Variants in PAX5 observed in about 807,000 individuals in gnomAD.
The protein encoded by PAX5 is paired box 5.
Under a neutral mutation model 43.7 loss-of-function variants are expected in PAX5, and 9 were observed. That is an observed-to-expected ratio of 0.21 (90% CI 0.12 to 0.36). PAX5 has a LOEUF of 0.36. PAX5 is among the 10% of genes least tolerant of loss of function. The pLI, the probability that PAX5 is intolerant of heterozygous loss-of-function variation, is 1.00. For synonymous variants in PAX5, 228 were observed against 214.3 expected (o/e 1.06, Z -0.56); for missense variants, 383 against 532.7 (o/e 0.72, Z 2.77).
intron 8 of PAX5, among the ~76,000 whole-genome samples, chr9:36,874,891 G>A (rs575753615): frequency 6.6e-6 from 1 of 152,334 alleles, no homozygotes; most frequent in African/African-American, 2.4e-5. Flanking sequence ...GAACACTTAT[G>A]TGCCACTCCA....
chr9:36,920,747 A>G (rs1209033118), intron 7 of PAX5, among the ~76,000 whole-genome samples: 1 of 151,982 alleles, frequency 6.6e-6, no homozygotes, highest in African/African-American at 2.4e-5. Flanking sequence ...GTCATACTCA[A>G]AAAGTTTCAG....
At chr9:36,988,662 C>CAAAAAAAAAA (rs139552622) in intron 5 of PAX5, among the ~76,000 whole-genome samples, 1 of 103,510 alleles carries the variant, frequency 9.7e-6, no homozygotes, top group African/African-American at 4.0e-5. Flanking sequence ...GACCCTGTCT[C>CAAAAAAAAAA]AAAAAAAAAA....
intron 5 of PAX5, among the ~76,000 whole-genome samples, chr9:36,978,040 A>G (rs1835600836): frequency 6.6e-6 from 1 of 152,228 alleles, no homozygotes; most frequent in Non-Finnish European, 1.5e-5. Flanking sequence ...AACCTAATAT[A>G]CACTCTGATA....
At chr9:36,902,049 T>C (rs1417284214) in intron 7 of PAX5, among the ~76,000 whole-genome samples, 1 of 152,028 alleles carries the variant, frequency 6.6e-6, no homozygotes. Context: ...TAGACCAGGG[T>C]GTCCCTGTGA....
chr9:37,001,583 C>T (rs568626152), intron 5 of PAX5, among the ~76,000 whole-genome samples: 5 of 152,310 alleles, frequency 3.3e-5, no homozygotes, highest in South Asian at 2.1e-4. Flanking sequence ...GGTTCCAAAC[C>T]GAGGCCACCG....
intron 6 of PAX5, among the ~76,000 whole-genome samples, chr9:36,947,803 C>G (rs1360739474): frequency 6.6e-6 from 1 of 151,970 alleles, no homozygotes; most frequent in East Asian, 1.9e-4. Context: ...ACTACTCTCC[C>G]TTTCCCAGAC....
In PAX5 at chr9:36,882,207, G is replaced by T. The variant is rs1826493170; in HGVS notation, c.911-102C>A. The T allele has an allele frequency of 7.6e-6, 7 of 923,590 alleles. No homozygotes were observed. In the East Asian group the frequency reaches 8.1e-5, roughly 11 times the overall value. The allele number at this position is 923,590 out of a possible 1,614,324, so 57.2% of individuals were successfully genotyped here. A position where few individuals can be genotyped will look rare whatever the true frequency, so the allele number is the denominator to read the frequency against. ...TTCTGCACATTTGTCACGTTTGGAC[G>T]CTGAACGGCAATGTGCCCCCAGCTC... On this transcript the variant is annotated intron_variant, in intron 7 of 9. Transcript: ENST00000358127. This position sits in a 1 kb window ranked among gnomAD's most constrained non-coding sequence, Gnocchi z 4.4.
intron 2 of PAX5, among the ~76,000 whole-genome samples, chr9:37,018,482 C>T (rs1388533328): frequency 6.8e-6 from 1 of 146,388 alleles, no homozygotes; most frequent in African/African-American, 2.5e-5. Context: ...GCCTGCCTTG[C>T]CACACACTCT....
intron 6 of PAX5, among the ~76,000 whole-genome samples, chr9:36,930,425 C>T (rs533888097): frequency 9.7e-4 from 148 of 152,136 alleles, no homozygotes; most frequent in African/African-American, 3.5e-3. Flanking sequence ...TGGGGTTTCA[C>T]CATGTTGCTC....
At chr9:36,948,183 G>A (rs756367416) in intron 6 of PAX5, among the ~76,000 whole-genome samples, 1 of 152,162 alleles carries the variant, frequency 6.6e-6, no homozygotes, top group South Asian at 2.1e-4. Context: ...CAGCAGGTAC[G>A]CACGCCAGGT....
rs114829702 is a variant in PAX5, at chr9:36,908,500, C to G, written c.910+14855G>C. 2.5e-3 allele frequency among the ~76,000 whole-genome samples: 376 copies of G among 152,270 alleles called. 2 individuals carry two copies. Among genetic ancestry groups the G allele is most frequent in the African/African-American group, 8.5e-3 (354 of 41,542 alleles). On this transcript the variant is annotated intron_variant, in intron 7 of 9. Coordinates refer to ENST00000358127, the MANE Select transcript of PAX5 (RefSeq NM_016734.3). Reference sequence around the variant, plus strand: ...TGGCTGAGGGCAGGAATTCTAAAACCCTCAGGACTTAGACTAGGCTGATGT... The same window carrying G: ...TGGCTGAGGGCAGGAATTCTAAAACGCTCAGGACTTAGACTAGGCTGATGT...
chr9:36,968,542 G>A (rs1013520235), intron 5 of PAX5, among the ~76,000 whole-genome samples: 9 of 152,100 alleles, frequency 5.9e-5, no homozygotes, highest in African/African-American at 2.2e-4. Flanking sequence ...CTGAGAAAAT[G>A]GATTCCCCAC....
At chr9:36,962,414 T>G (rs1270828348) in intron 6 of PAX5, among the ~76,000 whole-genome samples, 1 of 152,078 alleles carries the variant, frequency 6.6e-6, no homozygotes, top group African/African-American at 2.4e-5. Context: ...ATAAACAATC[T>G]GTGAAAAAAA....
intron 6 of PAX5, among the ~76,000 whole-genome samples, chr9:36,961,437 C>G (rs1276258025): frequency 1.3e-5 from 2 of 152,222 alleles, no homozygotes; most frequent in Non-Finnish European, 2.9e-5. Flanking sequence ...CTGGCCCGTT[C>G]CATTTTGCAC....
chr9:36,945,883 G>T (rs1832459683), intron 6 of PAX5, among the ~76,000 whole-genome samples: 1 of 152,212 alleles, frequency 6.6e-6, no homozygotes, highest in African/African-American at 2.4e-5. Context: ...AGAATTTAAT[G>T]AGTTAATACA....
intron 1 of PAX5, among the ~76,000 whole-genome samples, chr9:37,030,471 C>A (rs567853226): frequency 1.6e-4 from 24 of 152,300 alleles, no homozygotes; most frequent in African/African-American, 5.8e-4. Flanking sequence ...TCCAGGAGAG[C>A]GAGACTAGCA....
intron 7 of PAX5, among the ~76,000 whole-genome samples, chr9:36,908,771 C>G (rs1332694559): frequency 6.6e-6 from 1 of 152,130 alleles, no homozygotes; most frequent in Non-Finnish European, 1.5e-5. Flanking sequence ...TTGGAAGGGT[C>G]GGCTCCCAAG....
At chr9:37,026,786 C>G (rs1307678647) in intron 1 of PAX5, 1 of 929,456 alleles carries the variant, frequency 1.1e-6, no homozygotes, top group African/African-American at 1.8e-5. Context: ...CTAGCGCACC[C>G]GGGCTAGGAG....
chr9:36,954,098 A>C lies in PAX5; in HGVS notation c.780+12451T>G, dbSNP rs796967868. ...AAAGAAAAAAATATATACCTATCTA[A>C]TAATTCCAAAGTCTGAGTCTGATTT... On this transcript the variant is annotated intron_variant, in intron 6 of 9. Transcript: ENST00000358127. Among the ~76,000 whole-genome samples, 63 of 152,238 alleles carry C rather than the reference A, an allele frequency of 4.1e-4. 1 individual carries two copies. Among genetic ancestry groups the C allele is most frequent in the African/African-American group, 1.4e-3 (60 of 41,542 alleles).
Sources: allele counts gnomAD v4.1 joint callset (sites outside exome capture counted in the v4.1 genomes callset), GRCh38; gene constraint gnomAD v4.1.1; non-coding constraint Gnocchi (gnomAD v3.1); transcripts MANE v1.5; gene names NCBI Gene and HGNC (gene_info 2026-07-23, HGNC 2026-07-21).